The following ARL15 variants were observed in gnomAD, a reference collection of about 807,000 sequenced individuals.
The protein encoded by ARL15 is ARF like GTPase 15, also known as ADP-ribosylation factor-like protein 15.
In ARL15, 19 loss-of-function variants were observed where a neutral mutation model predicts 25.2. The observed-to-expected ratio is 0.75, with a 90% CI of 0.53 to 1.10. The LOEUF is 1.10. Ranked by LOEUF, ARL15 falls within the 50% of genes least tolerant of loss-of-function variation. The pLI, the probability that ARL15 is intolerant of heterozygous loss-of-function variation, is 0.00. For synonymous variants in ARL15, 94 were observed against 86.8 expected (o/e 1.08, Z -0.46); for missense variants, 220 against 246.0 (o/e 0.89, Z 0.71).
chr5:54,194,774 G>A (rs1261770161), intron 1 of ARL15, among the ~76,000 whole-genome samples: 4 of 152,162 alleles, frequency 2.6e-5, no homozygotes, highest in Admixed American at 1.3e-4. Context: ...TGTCTGAAAG[G>A]TTAAGCTTGG....
chr5:54,217,885 G>C (rs1454545936), intron 1 of ARL15, among the ~76,000 whole-genome samples: 1 of 152,116 alleles, frequency 6.6e-6, no homozygotes, highest in African/African-American at 2.4e-5. Context: ...TTGTCTACCA[G>C]TAATGGCTTT....
chr5:54,044,633 CATA>C, intron 4 of ARL15, among the ~76,000 whole-genome samples: 1 of 152,258 alleles, frequency 6.6e-6, no homozygotes, highest in East Asian at 1.9e-4. Context: ...ATCTCTCATA[CATA>C]ATATTTTTAA....
chr5:53,903,969 G>A (rs1187808501), intron 4 of ARL15, among the ~76,000 whole-genome samples: 3 of 152,094 alleles, frequency 2.0e-5, no homozygotes, highest in African/African-American at 7.2e-5. Flanking sequence ...AGTCGGGTAG[G>A]AATAAGTGAC....
chr5:53,979,827 TTTTGTGTGTGTG>T (rs1412110201), intron 4 of ARL15, among the ~76,000 whole-genome samples: 1 of 134,494 alleles, frequency 7.4e-6, no homozygotes, highest in Non-Finnish European at 1.6e-5. Flanking sequence ...CTTTAAAGTC[TTTTGTGTGTGTG>T]TGTGTGTGTG....
At position 54,208,703 on chromosome 5, in the gene ARL15, G is replaced by A. The variant is rs559969517; in HGVS notation, c.49-36775C>T. Among the ~76,000 whole-genome samples, 41 of 152,126 alleles carry A rather than the reference G, an allele frequency of 2.7e-4. No individual in the cohort carries two copies. The South Asian group carries it at 8.3e-3, about 31-fold the overall frequency. Reference sequence around the variant, plus strand: ...CAATAAGCAAAATCTCAAAAAAACCGACTTCCCATGAACTTTGGAGTAAGC... The same window carrying A: ...CAATAAGCAAAATCTCAAAAAAACCAACTTCCCATGAACTTTGGAGTAAGC... On this transcript the variant is annotated intron_variant, in intron 1 of 4. Coordinates refer to ENST00000504924, the MANE Select transcript of ARL15 (RefSeq NM_019087.3).
At chr5:54,059,583 T>C (rs1439017203) in intron 4 of ARL15, among the ~76,000 whole-genome samples, 1 of 152,114 alleles carries the variant, frequency 6.6e-6, no homozygotes, top group East Asian at 1.9e-4. Context: ...TGAGAAAGAA[T>C]ACAGAAAGGT....
intron 4 of ARL15, among the ~76,000 whole-genome samples, chr5:53,953,804 A>G (rs374918571): frequency 1.7e-4 from 26 of 152,310 alleles, no homozygotes; most frequent in African/African-American, 5.5e-4. Context: ...CTGATCCATC[A>G]TAATATCTAT....
chr5:54,237,647 T>C (rs1350130984), intron 1 of ARL15, among the ~76,000 whole-genome samples: 2 of 152,136 alleles, frequency 1.3e-5, no homozygotes, highest in Admixed American at 1.3e-4. Context: ...AATAACACAA[T>C]CTGAAACCTG....
intron 4 of ARL15, among the ~76,000 whole-genome samples, chr5:54,061,170 G>A (rs967177742): frequency 2.0e-5 from 3 of 152,224 alleles, no homozygotes; most frequent in Non-Finnish European, 4.4e-5. Flanking sequence ...GTGCAGCCTA[G>A]GGACTTGGTG....
chr5:54,307,878 G>A (rs1327533558), intron 1 of ARL15: 2 of 152,150 alleles, frequency 1.3e-5, no homozygotes, highest in Non-Finnish European at 2.9e-5. Context: ...TGCATGGAAA[G>A]GGAACTTACT....
intron 4 of ARL15, among the ~76,000 whole-genome samples, chr5:54,032,101 C>T (rs1243163763): frequency 6.6e-6 from 1 of 152,098 alleles, no homozygotes; most frequent in East Asian, 1.9e-4. Flanking sequence ...CTACTCTATC[C>T]CTCTCAAGGC....
At chr5:54,176,775 T>C (rs997577450) in intron 1 of ARL15, among the ~76,000 whole-genome samples, 4 of 152,232 alleles carry the variant, frequency 2.6e-5, no homozygotes. Context: ...TTATGAGGCC[T>C]GGGTGCAATA....
At chr5:54,210,940 AC>A (rs1756020885) in intron 1 of ARL15, among the ~76,000 whole-genome samples, 1 of 152,200 alleles carries the variant, frequency 6.6e-6, no homozygotes, top group Non-Finnish European at 1.5e-5. Context: ...AGTCTGCAAA[AC>A]CAGCACAATT....
At chr5:54,184,249 T>TTA (rs1554046056) in intron 1 of ARL15, among the ~76,000 whole-genome samples, 10 of 110,758 alleles carry the variant, frequency 9.0e-5, no homozygotes, top group Non-Finnish European at 1.2e-4. Context: ...TAAAGTATAA[T>TTA]AAAAAAAAAA....
At chr5:54,070,084 G>T (rs913074773) in intron 4 of ARL15, among the ~76,000 whole-genome samples, 1 of 151,700 alleles carries the variant, frequency 6.6e-6, no homozygotes, top group Non-Finnish European at 1.5e-5. Context: ...ATCAAGGGAA[G>T]GGGTCTGTTA....
At chr5:54,048,747 C>T (rs1750610841) in intron 4 of ARL15, among the ~76,000 whole-genome samples, 1 of 151,284 alleles carries the variant, frequency 6.6e-6, no homozygotes, top group Non-Finnish European at 1.5e-5. Flanking sequence ...TTTTCTCAGC[C>T]TTCCCCAAAG....
chr5:53,963,204 T>TA (rs1747427420), intron 4 of ARL15, among the ~76,000 whole-genome samples: 1 of 152,240 alleles, frequency 6.6e-6, no homozygotes, highest in Non-Finnish European at 1.5e-5. Context: ...ATGAACGTGT[T>TA]ATCTCCAAAG....
At chr5:54,069,052 T>A (rs1276673877) in intron 4 of ARL15, among the ~76,000 whole-genome samples, 1 of 152,220 alleles carries the variant, frequency 6.6e-6, no homozygotes, top group Non-Finnish European at 1.5e-5. Flanking sequence ...ATCATGGGAC[T>A]TCTTCAATGC....
intron 4 of ARL15, among the ~76,000 whole-genome samples, chr5:54,108,352 AT>A (rs2112202328): frequency 6.6e-6 from 1 of 152,206 alleles, no homozygotes; most frequent in Non-Finnish European, 1.5e-5. Flanking sequence ...CCATAGGGGA[AT>A]TTTCAAGCTG....
Sources: gnomAD v4.1 joint callset for allele counts (sites outside exome capture counted in the v4.1 genomes callset) on GRCh38, gnomAD v4.1.1 for gene constraint, MANE v1.5 for transcripts, NCBI Gene and HGNC (gene_info 2026-07-23, HGNC 2026-07-21) for gene names.